MARCHF1: variants seen among roughly 807,000 people sequenced by gnomAD.
MARCHF1 encodes the protein E3 ubiquitin-protein ligase MARCHF1.
In MARCHF1, 40 loss-of-function variants were observed where a neutral mutation model predicts 54.2. The observed-to-expected ratio is 0.74, with a 90% confidence interval of 0.57 to 0.96. The LOEUF (loss-of-function observed/expected upper bound fraction) is 0.96. Ranked by LOEUF, MARCHF1 falls within the 40% of genes least tolerant of loss-of-function variation. The pLI is 0.00. For missense variants in MARCHF1, 586 were observed against 656.5 expected (o/e 0.89, Z 1.17); for synonymous variants, 236 against 236.3 (o/e 1.00, Z 0.01).
chr4:163,841,696 A>G (rs1749344312), intron 4 of MARCHF1, among the ~76,000 whole-genome samples: 1 of 152,260 alleles, frequency 6.6e-6, no homozygotes, highest in South Asian at 2.1e-4. Context: ...CAAGATAACC[A>G]GTTCTTGTTT....
At chr4:163,950,639 C>T (rs1752116633) in intron 3 of MARCHF1, among the ~76,000 whole-genome samples, 1 of 152,184 alleles carries the variant, frequency 6.6e-6, no homozygotes, top group Non-Finnish European at 1.5e-5. Flanking sequence ...GGGCATACAG[C>T]CCCATCCACA....
At chr4:164,000,861 A>G (rs998850703) in intron 2 of MARCHF1, among the ~76,000 whole-genome samples, 1 of 151,728 alleles carries the variant, frequency 6.6e-6, no homozygotes, top group Admixed American at 6.6e-5. Context: ...AATAGAAACA[A>G]TGATTACTGT....
At chr4:164,154,419 C>T (rs1251602763) in intron 1 of MARCHF1, among the ~76,000 whole-genome samples, 6 of 152,194 alleles carry the variant, frequency 3.9e-5, no homozygotes, top group Admixed American at 3.9e-4. Context: ...TAATTAGTGA[C>T]ATCATGTGAT....
chr4:164,178,581 G>T (rs1268199510), intron 1 of MARCHF1, among the ~76,000 whole-genome samples: 1 of 152,148 alleles, frequency 6.6e-6, no homozygotes, highest in African/African-American at 2.4e-5. Context: ...CTTTCCATCA[G>T]ATCTAAGGAG....
chr4:164,052,844 G>A (rs971119914), intron 2 of MARCHF1, among the ~76,000 whole-genome samples: 4 of 152,082 alleles, frequency 2.6e-5, no homozygotes, highest in Non-Finnish European at 5.9e-5. Flanking sequence ...GTAATTAGGA[G>A]ACTTAGAATC....
intron 1 of MARCHF1, among the ~76,000 whole-genome samples, chr4:164,279,369 T>TA (rs1438208930): frequency 1.3e-5 from 2 of 151,386 alleles, no homozygotes; most frequent in African/African-American, 4.8e-5. Context: ...GAAATAATGA[T>TA]AAAATAGAAA....
chr4:164,315,753 G>A (rs1258268672), intron 1 of MARCHF1, among the ~76,000 whole-genome samples: 1 of 152,152 alleles, frequency 6.6e-6, no homozygotes, highest in African/African-American at 2.4e-5. Flanking sequence ...AGTTATATGA[G>A]ATCCCTATGG....
chr4:164,008,074 G>A (rs1435481896), intron 2 of MARCHF1, among the ~76,000 whole-genome samples: 1 of 152,082 alleles, frequency 6.6e-6, no homozygotes, highest in African/African-American at 2.4e-5. Flanking sequence ...CCAACTGTAT[G>A]TTTCATTCAG....
chr4:163,746,224 T>C (rs1057103276), intron 4 of MARCHF1, among the ~76,000 whole-genome samples: 2 of 152,246 alleles, frequency 1.3e-5, no homozygotes, highest in African/African-American at 2.4e-5. Context: ...TATCTAGTTT[T>C]GCGTTTTCTA....
chr4:163,794,246 T>C (rs932253201), intron 4 of MARCHF1, among the ~76,000 whole-genome samples: 1 of 152,236 alleles, frequency 6.6e-6, no homozygotes, highest in Admixed American at 6.5e-5. Context: ...ACTGAAATTA[T>C]GTATGTTCCC....
At chr4:163,544,133 G>C (rs1472425812) in intron 9 of MARCHF1, among the ~76,000 whole-genome samples, 1 of 152,098 alleles carries the variant, frequency 6.6e-6, no homozygotes, top group Non-Finnish European at 1.5e-5. Context: ...CACACTGTTT[G>C]TTACTTGGGC....
intron 5 of MARCHF1, among the ~76,000 whole-genome samples, chr4:163,665,393 G>A (rs1743497380): frequency 6.6e-6 from 1 of 152,074 alleles, no homozygotes; most frequent in African/African-American, 2.4e-5. Flanking sequence ...AAGTTCAGAT[G>A]TTCTTATGGC....
At chr4:164,241,804 G>A (rs1453409278) in intron 1 of MARCHF1, among the ~76,000 whole-genome samples, 3 of 152,218 alleles carry the variant, frequency 2.0e-5, no homozygotes, top group African/African-American at 7.2e-5. Flanking sequence ...GCGAGGCATT[G>A]CCTCACTTGG....
intron 7 of MARCHF1, among the ~76,000 whole-genome samples, chr4:163,607,560 G>C (rs1185732644): frequency 6.6e-6 from 1 of 152,040 alleles, no homozygotes; most frequent in Non-Finnish European, 1.5e-5. Flanking sequence ...CTATGGTTTT[G>C]GTGACACAAC....
At chr4:164,149,727 A>C (rs76872707) in intron 1 of MARCHF1, among the ~76,000 whole-genome samples, 28,881 of 151,966 alleles carry the variant, frequency 0.19, 4,341 homozygotes, top group African/African-American at 0.41. Flanking sequence ...GATATACTTA[A>C]AGTGAGATAA....
chr4:163,728,217 CT>C (rs759572886), intron 4 of MARCHF1, among the ~76,000 whole-genome samples: 4 of 152,080 alleles, frequency 2.6e-5, no homozygotes, highest in African/African-American at 4.8e-5. Context: ...TTATCACCCC[CT>C]TTTTTTATTA....
chr4:163,877,364 C>T (rs994368534), intron 3 of MARCHF1, among the ~76,000 whole-genome samples: 1 of 152,024 alleles, frequency 6.6e-6, no homozygotes, highest in African/African-American at 2.4e-5. Flanking sequence ...CCTCATTGCA[C>T]ATCAGAATTA....
intron 1 of MARCHF1, among the ~76,000 whole-genome samples, chr4:164,379,022 T>C (rs1435488669): frequency 6.6e-6 from 1 of 152,210 alleles, no homozygotes; most frequent in Non-Finnish European, 1.5e-5. Context: ...TGAGTCTTTA[T>C]AATTTTTATA....
intron 5 of MARCHF1, among the ~76,000 whole-genome samples, chr4:163,674,475 T>C (rs1231844711): frequency 6.6e-6 from 1 of 152,120 alleles, no homozygotes; most frequent in Non-Finnish European, 1.5e-5. Context: ...TCAAAGACAG[T>C]CTCCTCAGCC....
Sources: allele counts gnomAD v4.1 joint callset (sites outside exome capture counted in the v4.1 genomes callset), GRCh38; gene constraint gnomAD v4.1.1; transcripts MANE v1.5; gene names NCBI Gene and HGNC (gene_info 2026-07-23, HGNC 2026-07-21).